MARCHF8: variants seen among roughly 807,000 people sequenced by gnomAD.
MARCHF8 encodes the protein E3 ubiquitin-protein ligase MARCHF8.
A neutral mutation model predicts 51.6 loss-of-function variants in MARCHF8; 40 were observed. The ratio of observed to expected loss-of-function variants is 0.77; its 90% CI spans 0.60 to 1.01. The LOEUF (loss-of-function observed/expected upper bound fraction) is 1.01, where lower values mean the gene tolerates loss of function less well. MARCHF8 is among the 50% of genes least tolerant of loss of function. The pLI, the probability that MARCHF8 is intolerant of heterozygous loss-of-function variation, is 0.00. For missense variants in MARCHF8, 685 were observed against 708.6 expected, an observed-to-expected ratio of 0.97 and a Z score of 0.38; for synonymous variants, 263 against 280.3, an observed-to-expected ratio of 0.94 and a Z score of 0.62.
At chr10:45,560,238 T>C (rs1022751041) in intron 1 of MARCHF8, among the ~76,000 whole-genome samples, 2 of 152,062 alleles carry the variant, frequency 1.3e-5, no homozygotes, top group African/African-American at 2.4e-5. Context: ...TCCATCAGGG[T>C]GGTAGGAACA....
intron 2 of MARCHF8, among the ~76,000 whole-genome samples, chr10:45,493,626 T>C (rs569982794): frequency 2.0e-5 from 3 of 152,318 alleles, no homozygotes; most frequent in African/African-American, 7.2e-5. Context: ...AAAATGTAGA[T>C]TGTGGTTTGT....
At position 45,533,143 on chromosome 10, in the gene MARCHF8, T is replaced by C; in HGVS notation, c.69A>G (p.Arg23=). 6.2e-7 allele frequency: 1 copy of C among 1,612,456 alleles called. No homozygotes were observed. Among genetic ancestry groups the C allele is most frequent in the Non-Finnish European group, 8.5e-7 (1 of 1,179,268 alleles). Residue 23 remains arginine (R), a synonymous_variant, in exon 2 of 8, where the codon AGA becomes AGG. Transcript: ENST00000453424. The part of the protein sequence containing the change: ...SQDAISARVY[R]SKTKEKEREE... ...CCCTCTCCTTTTCTTTGGTCTTACT[T>C]CTGTAGACTCTAGCAGAGATGGCAT...
At chr10:45,506,860 C>A (rs1321185831) in intron 2 of MARCHF8, among the ~76,000 whole-genome samples, 4 of 152,072 alleles carry the variant, frequency 2.6e-5, no homozygotes, top group African/African-American at 9.7e-5. Context: ...TTGCTTCAGG[C>A]GATCTGGATG....
intron 2 of MARCHF8, among the ~76,000 whole-genome samples, chr10:45,513,962 T>C (rs1435980489): frequency 1.3e-5 from 2 of 152,228 alleles, no homozygotes; most frequent in Non-Finnish European, 2.9e-5. Flanking sequence ...ATTAAAATTA[T>C]GAACTCAGTT....
Position 45,459,637 on chromosome 10 carries a change from G to A in MARCHF8, c.1270-370C>T, listed in dbSNP as rs549223597. ...ACTACGTTTTAAGTCTCCCTGATGT[G>A]CTGACTGGCATGGACGAGCGGAAGA... On this transcript the variant is annotated intron_variant, in intron 6 of 7. Transcript: ENST00000453424. The A allele has an allele frequency of 2.3e-4, 201 of 875,780 alleles. 2 individuals carry two copies. The South Asian group carries it at 4.8e-3, about 21-fold the overall frequency. 54.3% of individuals were successfully genotyped at this position (875,780 alleles called of 1,614,324 possible). A position where few individuals can be genotyped will look rare whatever the true frequency, so the allele number is the denominator to read the frequency against.
intron 1 of MARCHF8, among the ~76,000 whole-genome samples, chr10:45,561,242 C>G (rs1360275708): frequency 6.6e-6 from 1 of 151,306 alleles, no homozygotes; most frequent in Non-Finnish European, 1.5e-5. Context: ...ACTGCCTTCA[C>G]TATCATTTCA....
intron 1 of MARCHF8, among the ~76,000 whole-genome samples, chr10:45,568,116 G>T (rs750196042): frequency 6.6e-6 from 1 of 152,064 alleles, no homozygotes; most frequent in Non-Finnish European, 1.5e-5. Context: ...ATTTTGGTAC[G>T]TTAATTTTGT....
intron 1 of MARCHF8, among the ~76,000 whole-genome samples, chr10:45,570,327 A>G (rs1346450925): frequency 1.3e-5 from 2 of 152,204 alleles, no homozygotes; most frequent in Non-Finnish European, 2.9e-5. Flanking sequence ...ATACTGCAGT[A>G]TTTATCCCAG....
At chr10:45,546,361 C>T (rs2044122528) in intron 1 of MARCHF8, among the ~76,000 whole-genome samples, 1 of 151,668 alleles carries the variant, frequency 6.6e-6, no homozygotes, top group Admixed American at 6.6e-5. Context: ...CAGGGTTTCA[C>T]CATGTTGGCC....
At chr10:45,556,223 G>A (rs891709660) in intron 1 of MARCHF8, among the ~76,000 whole-genome samples, 7 of 152,104 alleles carry the variant, frequency 4.6e-5, no homozygotes, top group South Asian at 2.1e-4. Flanking sequence ...CCTATCAACC[G>A]AATGTAATGT....
At chr10:45,530,935 T>C (rs1245521528) in intron 2 of MARCHF8, among the ~76,000 whole-genome samples, 2 of 152,020 alleles carry the variant, frequency 1.3e-5, no homozygotes, top group African/African-American at 4.8e-5. Flanking sequence ...CATAGAGACA[T>C]GGAAGATATA....
At chr10:45,514,196 T>C (rs2043581857) in intron 2 of MARCHF8, among the ~76,000 whole-genome samples, 1 of 152,384 alleles carries the variant, frequency 6.6e-6, no homozygotes, top group South Asian at 2.1e-4. Context: ...ATTAAACTGC[T>C]AAGTTTTTCT....
chr10:45,456,215 CTG>C lies in MARCHF8; in HGVS notation c.*2022_*2023del. 6.6e-6 allele frequency: 1 copy of C among 152,496 alleles called. No homozygotes were observed. Among genetic ancestry groups the C allele is most frequent in the South Asian group, 2.1e-4 (1 of 4,828 alleles). 9.4% of individuals were successfully genotyped at this position (152,496 alleles called of 1,614,324 possible). A position where few individuals can be genotyped will look rare whatever the true frequency, so the allele number is the denominator to read the frequency against. ...GATTCAGCTCCCCTGAGTGGACAGT[CTG>C]TGGTTGCCTGGGGTCCCCAGGCTGA... On this transcript the variant is annotated 3_prime_UTR_variant, in exon 8 of 8. Transcript: ENST00000453424.
rs776415964 is a variant in MARCHF8, at chr10:45,569,938, G to A, written c.-79+24297C>T. ...GACACGGGTTAAAATAAAGAGGATG[G>A]AAAGATAAACCACACAGCACTAATA... On this transcript the variant is annotated intron_variant, in intron 1 of 6. Transcript: ENST00000319836. Among the ~76,000 whole-genome samples, 4 of 152,034 alleles carry A rather than the reference G, an allele frequency of 2.6e-5. No homozygotes were observed. The South Asian group carries it at 8.3e-4, about 32-fold the overall frequency.
intron 3 of MARCHF8, among the ~76,000 whole-genome samples, chr10:45,477,578 C>T (rs1443113141): frequency 6.6e-6 from 1 of 152,056 alleles, no homozygotes; most frequent in African/African-American, 2.4e-5. Flanking sequence ...AATAGCAACC[C>T]TGAATGTAAA....
At chr10:45,479,237 T>A (rs1440981099) in intron 3 of MARCHF8, among the ~76,000 whole-genome samples, 2 of 152,098 alleles carry the variant, frequency 1.3e-5, no homozygotes, top group Admixed American at 6.5e-5. Context: ...GAATGAAGGA[T>A]AAAACCATAT....
intron 1 of MARCHF8, among the ~76,000 whole-genome samples, chr10:45,576,344 A>C (rs535677241): frequency 6.6e-6 from 1 of 152,216 alleles, no homozygotes; most frequent in South Asian, 2.1e-4. Flanking sequence ...TCACACCATG[A>C]ATAAAAAATA....
chr10:45,496,237 A>G (rs1171329008), intron 2 of MARCHF8, among the ~76,000 whole-genome samples: 4 of 152,196 alleles, frequency 2.6e-5, no homozygotes, highest in Non-Finnish European at 1.5e-5. Flanking sequence ...TGTAACTATA[A>G]GACAATATAA....
intron 3 of MARCHF8, among the ~76,000 whole-genome samples, chr10:45,469,034 G>GA (rs1288463635): frequency 6.6e-6 from 1 of 152,046 alleles, no homozygotes; most frequent in Non-Finnish European, 1.5e-5. Flanking sequence ...CAAACGGCTG[G>GA]AATCACCCTA....
Sources: allele counts gnomAD v4.1 joint callset (sites outside exome capture counted in the v4.1 genomes callset), GRCh38; gene constraint gnomAD v4.1.1; transcripts MANE v1.5; gene names NCBI Gene and HGNC (gene_info 2026-07-23, HGNC 2026-07-21).